The following SLC35G2 variants were observed in gnomAD, a reference collection of about 807,000 sequenced individuals.
SLC35G2 encodes transmembrane protein 22.
Under a neutral mutation model 27.2 loss-of-function variants are expected in SLC35G2, and 20 were observed. The ratio of observed to expected loss-of-function variants is 0.74; its 90% CI spans 0.52 to 1.07. The LOEUF (loss-of-function observed/expected upper bound fraction) is 1.07. Among genes scored for constraint, SLC35G2 ranks in the 50% least tolerant of loss-of-function variants. The pLI, the probability that SLC35G2 is intolerant of heterozygous loss-of-function variation, is 0.00. For missense variants in SLC35G2, 416 were observed against 493.3 expected, an observed-to-expected ratio of 0.84 and a Z score of 1.48; for synonymous variants, 148 against 165.3, an observed-to-expected ratio of 0.90 and a Z score of 0.80.
At chr3:136,837,874 C>CT (rs1936920040) in intron 1 of SLC35G2, 1 of 148,400 alleles carries the variant, frequency 6.7e-6, no homozygotes, top group South Asian at 2.1e-4. Flanking sequence ...AGGTCTTGCT[C>CT]TGTCACCCAG....
In SLC35G2 at chr3:136,855,006, T is replaced by C. The variant is rs372007327; in HGVS notation, c.546T>C (p.Ala182=). 137 of 1,614,096 alleles carry C rather than the reference T, an allele frequency of 8.5e-5. No individual in the cohort carries two copies. Among genetic ancestry groups the C allele is most frequent in the Middle Eastern group, 1.6e-4 (1 of 6,084 alleles). The change falls in exon 2 of 2, where the codon GCT becomes GCC. Residue 182 remains alanine (A), a synonymous_variant. Transcript: ENST00000446465. Reference sequence around the variant, plus strand: ...GCAATGTCATTTCTATCACTTGTGCTTATACATCATTTTCAATAGTTCCTC... The same window carrying C: ...GCAATGTCATTTCTATCACTTGTGCCTATACATCATTTTCAATAGTTCCTC... ...GVCNVISITC[A]YTSFSIVPPS...
intron 1 of SLC35G2, among the ~76,000 whole-genome samples, chr3:136,840,281 C>G (rs563721259): frequency 6.6e-6 from 1 of 152,288 alleles, no homozygotes; most frequent in East Asian, 1.9e-4. Flanking sequence ...ATCATTCACC[C>G]TAGTGTGCCC....
intron 1 of SLC35G2, among the ~76,000 whole-genome samples, chr3:136,851,490 C>A: frequency 1.3e-5 from 1 of 76,804 alleles, no homozygotes; most frequent in Non-Finnish European, 2.3e-5. Flanking sequence ...GAGTGAGACT[C>A]CGTCTCAAAA....
chr3:136,840,923 CTTTTTT>C (rs71626030), intron 1 of SLC35G2, among the ~76,000 whole-genome samples: 1 of 121,536 alleles, frequency 8.2e-6, no homozygotes, highest in African/African-American at 3.1e-5. Context: ...GTGCCTGGCC[CTTTTTT>C]TTTTTTTTTT....
chr3:136,821,092 C>A (rs546853485), intron 1 of SLC35G2, among the ~76,000 whole-genome samples: 70 of 151,970 alleles, frequency 4.6e-4, no homozygotes, highest in Admixed American at 8.5e-4. Context: ...TTGTATTTTT[C>A]AAAAACATTG....
intron 1 of SLC35G2, chr3:136,843,469 C>A (rs1477562645): frequency 6.6e-6 from 1 of 151,658 alleles, no homozygotes; most frequent in African/African-American, 2.4e-5. Flanking sequence ...TGTGGCAAAA[C>A]CCTGTCTCTA....
rs1005004598 is a variant in SLC35G2, at chr3:136,819,585, G to A, written c.-62G>A. 1.3e-5 allele frequency: 2 copies of A among 152,274 alleles called. No homozygotes were observed. The highest frequency in any genetic ancestry group is 2.4e-5 in the African/African-American group (1 of 41,468). The allele number at this position is 152,274 out of a possible 1,614,324, so 9.4% of individuals were successfully genotyped here. A position where few individuals can be genotyped will look rare whatever the true frequency, so the allele number is the denominator to read the frequency against. ...CTGCAGCGTCCATGATGAAGGCCAG[G>A]GGCTGTTGCTTTCCTCTCGCCCAGT... On this transcript the variant is annotated 5_prime_UTR_variant, in exon 1 of 2. Coordinates refer to ENST00000446465, the MANE Select transcript of SLC35G2 (RefSeq NM_025246.3).
chr3:136,820,973 T>C (rs1013986306), intron 1 of SLC35G2, among the ~76,000 whole-genome samples: 3 of 108,268 alleles, frequency 2.8e-5, no homozygotes, highest in Non-Finnish European at 6.1e-5. Flanking sequence ...AACATATAAA[T>C]AATCATAGAA....
intron 1 of SLC35G2, among the ~76,000 whole-genome samples, chr3:136,823,957 G>A (rs1288085122): frequency 6.6e-6 from 1 of 151,984 alleles, no homozygotes; most frequent in African/African-American, 2.4e-5. Context: ...TGTTTTCCCG[G>A]TATCATTTAT....
At chr3:136,827,839 GTT>G (rs564537228) in intron 1 of SLC35G2, among the ~76,000 whole-genome samples, 3 of 141,102 alleles carry the variant, frequency 2.1e-5, no homozygotes, top group Non-Finnish European at 1.6e-5. Context: ...CAGGGTTTTT[GTT>G]TTTTTTTTTT....
At chr3:136,832,560 A>G (rs1936756553) in intron 1 of SLC35G2, among the ~76,000 whole-genome samples, 1 of 152,198 alleles carries the variant, frequency 6.6e-6, no homozygotes, top group South Asian at 2.1e-4. Flanking sequence ...TAAGTTCCTT[A>G]AGAGAAAGCT....
At chr3:136,827,124 C>T (rs1231174728) in intron 1 of SLC35G2, among the ~76,000 whole-genome samples, 2 of 151,522 alleles carry the variant, frequency 1.3e-5, no homozygotes, top group East Asian at 1.9e-4. Context: ...TTAAAAAAAC[C>T]CAACTTTTTG....
At chr3:136,826,314 G>A (rs1936585691) in intron 1 of SLC35G2, among the ~76,000 whole-genome samples, 1 of 152,144 alleles carries the variant, frequency 6.6e-6, no homozygotes, top group African/African-American at 2.4e-5. Context: ...TGGGATTACA[G>A]GCATGAGCCA....
intron 1 of SLC35G2, among the ~76,000 whole-genome samples, chr3:136,852,596 A>G (rs1304607255): frequency 6.6e-6 from 1 of 150,584 alleles, no homozygotes; most frequent in East Asian, 2.0e-4. Context: ...GGGTTCAAGC[A>G]GTTCTCCTAC....
At chr3:136,854,402 A>T in intron 1 of SLC35G2, 41 bp from the exon 2 acceptor site, 1 of 1,303,030 alleles carries the variant, frequency 7.7e-7, no homozygotes, top group Non-Finnish European at 1.1e-6. Flanking sequence ...TAAATTTTCA[A>T]TGAAATGAAT....
chr3:136,850,144 C>T (rs551320955), intron 1 of SLC35G2, among the ~76,000 whole-genome samples: 9 of 152,216 alleles, frequency 5.9e-5, no homozygotes, highest in South Asian at 2.1e-4. Flanking sequence ...CAAAAGCTAA[C>T]CATGGAAAAT....
chr3:136,838,451 C>T (rs1281321575), intron 1 of SLC35G2: 1 of 151,862 alleles, frequency 6.6e-6, no homozygotes, highest in African/African-American at 2.4e-5. Context: ...ATCTGGTAAC[C>T]ATTTCTTATC....
In SLC35G2 at chr3:136,835,036, C is replaced by T. The variant is rs184890286; in HGVS notation, c.-19+15408C>T. Among the ~76,000 whole-genome samples the T allele has an allele frequency of 1.3e-4, 20 of 152,270 alleles. No homozygotes were observed. The East Asian group carries it at 3.9e-3, about 29-fold the overall frequency. ...TAAGTGTTTTCCTTTAAGACAAGGACCCTCTCCTGCATAACCACAGTGTTA... is the reference window on the plus strand; with the variant it reads ...TAAGTGTTTTCCTTTAAGACAAGGATCCTCTCCTGCATAACCACAGTGTTA... On this transcript the variant is annotated intron_variant, in intron 1 of 1. Transcript: ENST00000446465.
chr3:136,844,256 G>A (rs529848700), intron 1 of SLC35G2, among the ~76,000 whole-genome samples: 174 of 150,672 alleles, frequency 1.2e-3, no homozygotes, highest in African/African-American at 4.2e-3. Context: ...TTGGGAGGCC[G>A]AGGCGGGCGG....
Sources: allele counts gnomAD v4.1 joint callset (sites outside exome capture counted in the v4.1 genomes callset), GRCh38; gene constraint gnomAD v4.1.1; transcripts MANE v1.5; gene names NCBI Gene and HGNC (gene_info 2026-07-23, HGNC 2026-07-21).